SUPT3H: variants seen among roughly 807,000 people sequenced by gnomAD.
SUPT3H encodes SPT3 homolog, SAGA and STAGA complex component.
In SUPT3H, 44 loss-of-function variants were observed where a neutral mutation model predicts 44.3. That is an observed-to-expected ratio of 0.99 (90% CI 0.78 to 1.28). SUPT3H has a LOEUF of 1.28. Ranked by LOEUF, SUPT3H falls within the 50% of genes most tolerant of loss-of-function variation. The pLI, the probability that SUPT3H is intolerant of heterozygous loss-of-function variation, is 0.00. For missense variants in SUPT3H, 380 were observed against 387.1 expected, an observed-to-expected ratio of 0.98 and a Z score of 0.15; for synonymous variants, 124 against 125.6, an observed-to-expected ratio of 0.99 and a Z score of 0.09.
At chr6:45,258,195 T>C (rs1312019770) in intron 2 of SUPT3H, among the ~76,000 whole-genome samples, 1 of 152,218 alleles carries the variant, frequency 6.6e-6, no homozygotes, top group Non-Finnish European at 1.5e-5. Context: ...TTATATTTTA[T>C]TTTCACATTG....
intron 2 of SUPT3H, among the ~76,000 whole-genome samples, chr6:45,302,556 T>C (rs1012070501): frequency 1.9e-5 from 2 of 103,570 alleles, no homozygotes; most frequent in Non-Finnish European, 3.9e-5. Context: ...TATATATATA[T>C]GCATGCCACA....
At chr6:45,293,138 T>G (rs998857712) in intron 2 of SUPT3H, among the ~76,000 whole-genome samples, 10 of 152,078 alleles carry the variant, frequency 6.6e-5, no homozygotes, top group African/African-American at 2.2e-4. Flanking sequence ...TCAAGCACTC[T>G]TTCAAACCAC....
intron 2 of SUPT3H, among the ~76,000 whole-genome samples, chr6:45,296,171 A>AC (rs1428543496): frequency 1.1e-4 from 14 of 122,536 alleles, no homozygotes; most frequent in African/African-American, 4.1e-4. Context: ...ACATACATAT[A>AC]TACATACACA....
intron 9 of SUPT3H, among the ~76,000 whole-genome samples, chr6:44,946,530 G>C (rs530680480): frequency 5.3e-5 from 8 of 152,236 alleles, no homozygotes; most frequent in African/African-American, 1.9e-4. Flanking sequence ...ATCACGAATG[G>C]CTTTGAGCGG....
chr6:44,858,155 C>CTACATTA (rs1774049873), intron 10 of SUPT3H, among the ~76,000 whole-genome samples: 1 of 152,170 alleles, frequency 6.6e-6, no homozygotes, highest in Admixed American at 6.5e-5. Context: ...CTACACTACA[C>CTACATTA]TACATTATAA....
chr6:45,292,485 C>G (rs1252291538), intron 2 of SUPT3H, among the ~76,000 whole-genome samples: 1 of 151,946 alleles, frequency 6.6e-6, no homozygotes, highest in Non-Finnish European at 1.5e-5. Flanking sequence ...CATCTCAATA[C>G]TAATATTGAA....
chr6:45,133,578 A>G (rs1803817947), intron 2 of SUPT3H, among the ~76,000 whole-genome samples: 1 of 152,234 alleles, frequency 6.6e-6, no homozygotes, highest in South Asian at 2.1e-4. Flanking sequence ...CAACTATTTC[A>G]GCACTCAGAA....
chr6:45,091,550 T>G (rs536065351), intron 3 of SUPT3H, among the ~76,000 whole-genome samples: 1 of 152,194 alleles, frequency 6.6e-6, no homozygotes, highest in South Asian at 2.1e-4. Context: ...CCCTATCTAC[T>G]ACTTATAAGC....
chr6:44,904,405 G>A lies in SUPT3H; in HGVS notation c.912+28248C>T, dbSNP rs1284832909. 5.3e-5 allele frequency among the ~76,000 whole-genome samples: 8 copies of A among 151,926 alleles called. No homozygotes were observed. The East Asian group carries it at 1.2e-3, about 22-fold the overall frequency. ...CAAACAGAGAGCCAAATCATGAGTG[G>A]ACTCCCATTCACAATTGCTTCAAAG... is the stretch of plus-strand genomic sequence containing the variant. On this transcript the variant is annotated intron_variant, in intron 10 of 10. Coordinates refer to ENST00000371459, the MANE Select transcript of SUPT3H (RefSeq NM_003599.4).
chr6:44,901,472 A>G (rs1765037978), intron 10 of SUPT3H, among the ~76,000 whole-genome samples: 1 of 152,158 alleles, frequency 6.6e-6, no homozygotes, highest in African/African-American at 2.4e-5. Context: ...AAGTTTAGAG[A>G]AAAAAGAATA....
chr6:44,851,694 A>G (rs893603939), intron 10 of SUPT3H, among the ~76,000 whole-genome samples: 3 of 152,248 alleles, frequency 2.0e-5, no homozygotes, highest in Non-Finnish European at 4.4e-5. Flanking sequence ...TAATTTTTAA[A>G]AAGGATTCCA....
Position 44,828,703 on chromosome 6 carries a change from G to C in SUPT3H, c.*1113C>G, listed in dbSNP as rs1438845463. On this transcript the variant is annotated 3_prime_UTR_variant, in exon 11 of 11. Coordinates refer to ENST00000371459, the MANE Select transcript of SUPT3H (RefSeq NM_003599.4). ...GGCTTGCTCTCTTGAGCAGTATCAA[G>C]AAAAAGGAGCAGTATCAAGAAAAAG... The C allele has an allele frequency of 1.3e-5, 2 of 152,074 alleles. No individual in the cohort carries two copies. Among genetic ancestry groups the C allele is most frequent in the African/African-American group, 4.8e-5 (2 of 41,420 alleles). 9.4% of individuals were successfully genotyped at this position (152,074 alleles called of 1,614,324 possible).
At chr6:45,343,258 C>G (rs1581736287) in intron 2 of SUPT3H, among the ~76,000 whole-genome samples, 1 of 152,164 alleles carries the variant, frequency 6.6e-6, no homozygotes, top group East Asian at 1.9e-4. Flanking sequence ...ACCTGTAATC[C>G]CAGCACTTTG....
chr6:44,887,550 A>C (rs1209150701), intron 10 of SUPT3H, among the ~76,000 whole-genome samples: 3 of 152,186 alleles, frequency 2.0e-5, no homozygotes, highest in Non-Finnish European at 2.9e-5. Context: ...GGCAGAAATA[A>C]AGATGTCCTT....
chr6:44,884,263 A>G (rs568021556), intron 10 of SUPT3H, among the ~76,000 whole-genome samples: 1 of 152,338 alleles, frequency 6.6e-6, no homozygotes, highest in African/African-American at 2.4e-5. Context: ...AAAGCTCATC[A>G]TCACTGGTCA....
At chr6:45,375,785 T>C (rs1796694321) in intron 1 of SUPT3H, among the ~76,000 whole-genome samples, 1 of 149,998 alleles carries the variant, frequency 6.7e-6, no homozygotes, top group African/African-American at 2.5e-5. Context: ...TATTTGTTCT[T>C]TTAGTTTTAT....
At chr6:45,217,615 A>C (rs998856328) in intron 2 of SUPT3H, among the ~76,000 whole-genome samples, 7 of 152,162 alleles carry the variant, frequency 4.6e-5, no homozygotes, top group African/African-American at 1.7e-4. Flanking sequence ...AATCTGGCCG[A>C]ATGTGGTGGC....
chr6:45,278,563 C>A (rs938068144), intron 2 of SUPT3H, among the ~76,000 whole-genome samples: 1 of 152,290 alleles, frequency 6.6e-6, no homozygotes, highest in South Asian at 2.1e-4. Context: ...AAAATGACCT[C>A]ATTATGACAA....
chr6:45,334,969 A>C (rs1026702808), intron 2 of SUPT3H, among the ~76,000 whole-genome samples: 2 of 151,308 alleles, frequency 1.3e-5, no homozygotes, highest in Non-Finnish European at 3.0e-5. Context: ...ACAATAATTA[A>C]AAACTGATAT....
Sources: gnomAD v4.1 joint callset for allele counts (sites outside exome capture counted in the v4.1 genomes callset) on GRCh38, gnomAD v4.1.1 for gene constraint, MANE v1.5 for transcripts, NCBI Gene and HGNC (gene_info 2026-07-23, HGNC 2026-07-21) for gene names.